Variants in HAO1 observed in about 807,000 individuals in gnomAD.
The protein encoded by HAO1 is hydroxyacid oxidase 1.
Under a neutral mutation model 39.7 loss-of-function variants are expected in HAO1, and 34 were observed. That is an observed-to-expected ratio of 0.86 (90% CI 0.65 to 1.14). The LOEUF (loss-of-function observed/expected upper bound fraction) is 1.14. Ranked by LOEUF, HAO1 falls within the 50% of genes most tolerant of loss-of-function variation. The probability of loss-of-function intolerance (pLI) is 0.00; values close to 1 mark genes in which losing one functional copy is unlikely to be tolerated. For missense variants in HAO1, 479 were observed against 464.5 expected (o/e 1.03, Z -0.29); for synonymous variants, 172 against 173.2 (o/e 0.99, Z 0.05).
rs1457765486 is a variant in HAO1, at chr20:7,895,230, GA to G, written c.722-7del. ...AGCCTCCCTGGCATCATCACCTGGA[GA>G]GAGTAAAACAAGCACCTTAGGGAAA... is the stretch of plus-strand genomic sequence containing the variant. On this transcript the variant is annotated splice_region_variant and splice_polypyrimidine_tract_variant and intron_variant, in intron 4 of 7. Transcript: ENST00000378789. 2 of 1,588,732 alleles carry G rather than the reference GA, an allele frequency of 1.3e-6. No individual in the cohort carries two copies. Among genetic ancestry groups the G allele is most frequent in the Non-Finnish European group, 1.7e-6 (2 of 1,156,956 alleles).
chr20:7,883,010 C>CTCTAAGAAG lies in HAO1; in HGVS notation c.*574_*582dup, dbSNP rs2122742623. 1 of 152,768 alleles carries CTCTAAGAAG rather than the reference C, an allele frequency of 6.5e-6. No individual in the cohort carries two copies. Among genetic ancestry groups the CTCTAAGAAG allele is most frequent in the South Asian group, 2.1e-4 (1 of 4,856 alleles). 9.5% of individuals were successfully genotyped at this position (152,768 alleles called of 1,614,324 possible). A position where few individuals can be genotyped will look rare whatever the true frequency, so the allele number is the denominator to read the frequency against. On this transcript the variant is annotated 3_prime_UTR_variant, in exon 8 of 8. Transcript: ENST00000378789. ...TTCTTCCCAAAAATGCTTTATTTCT[C>CTCTAAGAAG]TCTAAGAAGTAACATACATCCTAAA...
At chr20:7,887,140 C>G (rs1448295157) in intron 5 of HAO1, among the ~76,000 whole-genome samples, 1 of 152,138 alleles carries the variant, frequency 6.6e-6, no homozygotes, top group African/African-American at 2.4e-5. Context: ...CAGTAGCTAA[C>G]TAATACAATT....
rs571595062 is a variant in HAO1, at chr20:7,935,786, T to G, written c.138-1151A>C. Among the ~76,000 whole-genome samples, 15 of 152,326 alleles carry G rather than the reference T, an allele frequency of 9.8e-5. No homozygotes were observed. The South Asian group carries it at 3.1e-3, about 32-fold the overall frequency. On this transcript the variant is annotated intron_variant, in intron 1 of 7. Transcript: ENST00000378789. ...TCCTCCTGGCAAAATATATCTCTCC[T>G]ATTTGTTTTGATTTATTATTCTCAT...
intron 4 of HAO1, among the ~76,000 whole-genome samples, chr20:7,903,200 C>G (rs1366441437): frequency 6.6e-6 from 1 of 151,636 alleles, no homozygotes; most frequent in East Asian, 1.9e-4. Context: ...ATAAAAGAAC[C>G]AAATAGTTAC....
chr20:7,933,993 G>A (rs2050398274), intron 2 of HAO1, among the ~76,000 whole-genome samples: 1 of 152,152 alleles, frequency 6.6e-6, no homozygotes, highest in African/African-American at 2.4e-5. Flanking sequence ...TTGCAATTTG[G>A]CTGTGAGAAC....
intron 2 of HAO1, among the ~76,000 whole-genome samples, chr20:7,926,117 T>C (rs1193350567): frequency 6.6e-6 from 1 of 152,080 alleles, no homozygotes; most frequent in Non-Finnish European, 1.5e-5. Flanking sequence ...TTTTTATTGT[T>C]AGAAAAGCAA....
intron 2 of HAO1, among the ~76,000 whole-genome samples, chr20:7,918,673 A>G (rs1267626666): frequency 6.6e-6 from 1 of 152,154 alleles, no homozygotes; most frequent in Admixed American, 6.6e-5. Context: ...ATCTCTTCCA[A>G]TTGCTCAAAG....
At chr20:7,936,526 G>GTGTGTGTC (rs2050411223) in intron 1 of HAO1, among the ~76,000 whole-genome samples, 1 of 148,170 alleles carries the variant, frequency 6.7e-6, no homozygotes, top group Admixed American at 6.7e-5. Flanking sequence ...GTGTGTGTGT[G>GTGTGTGTC]TGTGTGTGTG....
chr20:7,918,477 C>T lies in HAO1; in HGVS notation c.290-4058G>A, dbSNP rs187743867. 1.2e-3 allele frequency among the ~76,000 whole-genome samples: 179 copies of T among 152,266 alleles called. 3 individuals carry two copies. The highest frequency in any genetic ancestry group is 9.6e-3 in the Admixed American group (147 of 15,276). On this transcript the variant is annotated intron_variant, in intron 2 of 7. Coordinates refer to ENST00000378789, the MANE Select transcript of HAO1 (RefSeq NM_017545.3). ...TTACACTCCAATTGGTAAATAGCCA[C>T]GGCTCTGAAGTTTATCACCCCAGCC...
intron 2 of HAO1, among the ~76,000 whole-genome samples, chr20:7,916,906 C>CATAT (rs1448478939): frequency 6.6e-6 from 1 of 152,110 alleles, no homozygotes; most frequent in Non-Finnish European, 1.5e-5. Context: ...CACAAATGAA[C>CATAT]ATATAGACCA....
intron 2 of HAO1, among the ~76,000 whole-genome samples, chr20:7,931,700 G>A (rs1405874785): frequency 6.6e-6 from 1 of 152,044 alleles, no homozygotes; most frequent in Non-Finnish European, 1.5e-5. Context: ...TACTTCTGGA[G>A]GAAATAGTCC....
intron 5 of HAO1, among the ~76,000 whole-genome samples, chr20:7,892,944 A>T (rs2050180720): frequency 6.6e-6 from 1 of 152,226 alleles, no homozygotes; most frequent in Non-Finnish European, 1.5e-5. Flanking sequence ...GGGAGCAGAA[A>T]GCAATTCCCT....
chr20:7,889,539 A>C (rs370605658), intron 5 of HAO1, among the ~76,000 whole-genome samples: 3 of 152,172 alleles, frequency 2.0e-5, no homozygotes, highest in African/African-American at 7.2e-5. Flanking sequence ...TTTTTAACAC[A>C]ATCTTATTTT....
At chr20:7,893,482 A>G (rs1176100006) in intron 5 of HAO1, among the ~76,000 whole-genome samples, 1 of 152,278 alleles carries the variant, frequency 6.6e-6, no homozygotes, top group Non-Finnish European at 1.5e-5. Flanking sequence ...AGGCTACAAG[A>G]TTCTGAACCT....
Position 7,940,273 on chromosome 20 carries a change from T to C in HAO1, c.137+13A>G, listed in dbSNP as rs78455711. 4,066 of 1,586,856 alleles carry C rather than the reference T, an allele frequency of 2.6e-3. 85 individuals are homozygous for C. In the African/African-American group the frequency reaches 0.046, roughly 18 times the overall value. ...AATTTTAAAACATGATTTTAAAAAA[T>C]AAATTTTCTTACCTGGAAAATGCTG... On this transcript the variant is annotated intron_variant, in intron 1 of 7. Transcript: ENST00000378789.
At chr20:7,903,073 A>C (rs955557128) in intron 4 of HAO1, among the ~76,000 whole-genome samples, 2 of 152,184 alleles carry the variant, frequency 1.3e-5, no homozygotes, top group Non-Finnish European at 2.9e-5. Context: ...AGGACCTGTG[A>C]AATGGAGAAA....
Position 7,911,675 on chromosome 20 carries a change from A to G in HAO1, c.545+2489T>C, listed in dbSNP as rs73079943. 6.4e-3 allele frequency among the ~76,000 whole-genome samples: 982 copies of G among 152,300 alleles called. 10 individuals are homozygous for G. The highest frequency in any genetic ancestry group is 8.2e-3 in the Non-Finnish European group (558 of 68,042). ...ACCTCTGAACTCTTGCTGGGCCCAG[A>G]TGCCAAGAGACAGGACCCTCCCCCA... On this transcript the variant is annotated intron_variant, in intron 3 of 7. Transcript: ENST00000378789.
At chr20:7,909,637 TA>T (rs1368379664) in intron 3 of HAO1, among the ~76,000 whole-genome samples, 1 of 151,560 alleles carries the variant, frequency 6.6e-6, no homozygotes, top group East Asian at 1.9e-4. Context: ...TTTAGCATCA[TA>T]AAAATAGTAA....
At chr20:7,924,528 C>A (rs528519431) in intron 2 of HAO1, among the ~76,000 whole-genome samples, 1 of 151,880 alleles carries the variant, frequency 6.6e-6, no homozygotes, top group Non-Finnish European at 1.5e-5. Context: ...CCACAGCCAC[C>A]ACCACCACCA....
Sources: allele counts gnomAD v4.1 joint callset (sites outside exome capture counted in the v4.1 genomes callset), GRCh38; gene constraint gnomAD v4.1.1; transcripts MANE v1.5; gene names NCBI Gene and HGNC (gene_info 2026-07-23, HGNC 2026-07-21).